NPY2R: variants seen among roughly 807,000 people sequenced by gnomAD.
NPY2R encodes neuropeptide Y receptor Y2.
NPY2R carries 17 observed loss-of-function variants against 22.3 expected under a neutral mutation model. The ratio of observed to expected loss-of-function variants is 0.76; its 90% confidence interval spans 0.52 to 1.14. NPY2R has a LOEUF of 1.14. Among genes scored for constraint, NPY2R ranks in the 50% most tolerant of loss-of-function variants. The pLI is 0.00. For synonymous variants in NPY2R, 209 were observed against 183.4 expected (o/e 1.14, Z -1.13); for missense variants, 424 against 467.9 (o/e 0.91, Z 0.87).
chr4:155,195,098 T>C, the NPY2R span, among the ~76,000 whole-genome samples: 1 of 151,966 alleles, frequency 6.6e-6, no homozygotes, highest in African/African-American at 2.4e-5. Flanking sequence ...ATAACTTATA[T>C]CTACAAATAA....
At chr4:155,188,127 C>A in the NPY2R span, among the ~76,000 whole-genome samples, 70,787 of 151,728 alleles carry the variant, frequency 0.47, 17,213 homozygotes, top group East Asian at 0.69. Context: ...TACAACAGAT[C>A]TAAAACTAAA....
chr4:155,195,009 A>G, the NPY2R span, among the ~76,000 whole-genome samples: 6 of 151,870 alleles, frequency 4.0e-5, no homozygotes, highest in Non-Finnish European at 8.8e-5. Flanking sequence ...TTTTTTTCAC[A>G]TGCTTTTTGG....
At chr4:155,178,257 G>T in the NPY2R span, among the ~76,000 whole-genome samples, 9 of 152,136 alleles carry the variant, frequency 5.9e-5, no homozygotes, top group Non-Finnish European at 1.3e-4. Flanking sequence ...AGCTGTGTTA[G>T]GTTAACAGCT....
chr4:155,189,709 AATGCCATAC>A, the NPY2R span, among the ~76,000 whole-genome samples: 1 of 151,956 alleles, frequency 6.6e-6, no homozygotes, highest in African/African-American at 2.4e-5. Context: ...TTGCTTATAA[AATGCCATAC>A]ATACCATCTA....
chr4:155,197,007 A>T, the NPY2R span, among the ~76,000 whole-genome samples: 1 of 151,990 alleles, frequency 6.6e-6, no homozygotes, highest in Admixed American at 6.6e-5. Context: ...GAAATTTTAC[A>T]TAATATATAT....
intron 1 of NPY2R, 117 bp from the exon 2 acceptor site, chr4:155,213,775 C>T (rs971218473): frequency 9.2e-6 from 6 of 651,962 alleles, no homozygotes; most frequent in African/African-American, 9.1e-5. Flanking sequence ...ATATTTTGAT[C>T]CCTAACCAAA....
At chr4:155,210,809 GAC>G (rs1425351298) in intron 1 of NPY2R, among the ~76,000 whole-genome samples, 3 of 152,120 alleles carry the variant, frequency 2.0e-5, no homozygotes, top group African/African-American at 7.2e-5. Flanking sequence ...AGTGGTGAGA[GAC>G]AGAGAGTGAG....
At chr4:155,209,759 C>T (rs1296589714) in intron 1 of NPY2R, among the ~76,000 whole-genome samples, 1 of 151,776 alleles carries the variant, frequency 6.6e-6, no homozygotes, top group African/African-American at 2.4e-5. Flanking sequence ...AGACTGATTT[C>T]TGAGATATTT....
the NPY2R span, among the ~76,000 whole-genome samples, chr4:155,180,504 C>A: frequency 6.6e-6 from 1 of 152,008 alleles, no homozygotes; most frequent in Non-Finnish European, 1.5e-5. Context: ...CTTCTTATAC[C>A]AGTTGACAAG....
the NPY2R span, among the ~76,000 whole-genome samples, chr4:155,194,859 A>G: frequency 2.0e-5 from 3 of 151,952 alleles, no homozygotes; most frequent in Non-Finnish European, 4.4e-5. Flanking sequence ...CCAACAGTAT[A>G]TAAGCATTCC....
upstream of NPY2R, chr4:155,206,791 C>T (rs918785332): frequency 6.6e-6 from 1 of 152,192 alleles, no homozygotes; most frequent in East Asian, 1.9e-4. Context: ...AAAGACAACA[C>T]TCATCTGTTT....
the NPY2R span, among the ~76,000 whole-genome samples, chr4:155,182,855 C>T: frequency 2.0e-5 from 3 of 152,096 alleles, no homozygotes; most frequent in South Asian, 2.1e-4. Context: ...TGCAGTGGCG[C>T]GATCTTGGCT....
chr4:155,203,126 T>C, the NPY2R span, among the ~76,000 whole-genome samples: 1 of 152,274 alleles, frequency 6.6e-6, no homozygotes, highest in Non-Finnish European at 1.5e-5. Flanking sequence ...ATAATCCTGC[T>C]TAATTGCTTT....
the NPY2R span, among the ~76,000 whole-genome samples, chr4:155,186,015 G>A: frequency 2.0e-5 from 3 of 151,978 alleles, no homozygotes; most frequent in African/African-American, 7.2e-5. Context: ...AGAAAGTATC[G>A]CCACTCTGTA....
At chr4:155,183,774 C>T in the NPY2R span, among the ~76,000 whole-genome samples, 1 of 152,156 alleles carries the variant, frequency 6.6e-6, no homozygotes, top group African/African-American at 2.4e-5. Flanking sequence ...CTGCACAGTG[C>T]TTGCTTACTG....
chr4:155,214,440 G>A lies in NPY2R; in HGVS notation c.501G>A (p.Leu167=), dbSNP rs1395503563. 2 of 1,613,952 alleles carry A rather than the reference G, an allele frequency of 1.2e-6. No homozygotes were observed. The highest frequency in any genetic ancestry group is 3.3e-5 in the Admixed American group (2 of 59,994). The change falls in exon 2 of 2, where the codon CTG becomes CTA. Residue 167 remains leucine (L), a synonymous_variant. Transcript: ENST00000329476. ...ESKISKRISF[L]IIGLAWGISA... ...AGATCTCCAAGCGAATCAGCTTCCT[G>A]ATTATTGGCTTGGCCTGGGGCATCA...
the NPY2R span, among the ~76,000 whole-genome samples, chr4:155,190,139 G>A: frequency 3.9e-5 from 6 of 151,972 alleles, no homozygotes; most frequent in African/African-American, 1.2e-4. Flanking sequence ...TGCAAGAATT[G>A]CATGGGCAAC....
the NPY2R span, among the ~76,000 whole-genome samples, chr4:155,178,466 C>T: frequency 5.3e-5 from 8 of 152,226 alleles, no homozygotes; most frequent in Admixed American, 1.3e-4. Flanking sequence ...AATATGTACA[C>T]GAAGTTATAA....
At chr4:155,182,190 C>A in the NPY2R span, among the ~76,000 whole-genome samples, 3 of 152,092 alleles carry the variant, frequency 2.0e-5, no homozygotes, top group Admixed American at 6.5e-5. Context: ...CACATTGCTC[C>A]ATCCTACCCC....
Sources: gnomAD v4.1 joint callset for allele counts (sites outside exome capture counted in the v4.1 genomes callset) on GRCh38, gnomAD v4.1.1 for gene constraint, MANE v1.5 for transcripts, NCBI Gene and HGNC (gene_info 2026-07-23, HGNC 2026-07-21) for gene names.